NCKAP5: variants seen among roughly 807,000 people sequenced by gnomAD.
The protein encoded by NCKAP5 is nck-associated protein 5.
In NCKAP5, 92 loss-of-function variants were observed where a neutral mutation model predicts 167.0. The observed-to-expected ratio is 0.55, with a 90% CI of 0.47 to 0.66. The LOEUF (loss-of-function observed/expected upper bound fraction) is 0.66. Among genes scored for constraint, NCKAP5 ranks in the 30% least tolerant of loss-of-function variants. The pLI is 0.00. For missense variants in NCKAP5, 2,378 were observed against 2,315.0 expected, an observed-to-expected ratio of 1.03 and a Z score of -0.56; for synonymous variants, 891 against 877.4, an observed-to-expected ratio of 1.02 and a Z score of -0.27.
chr2:133,441,289 A>C (rs2151163993), intron 3 of NCKAP5, among the ~76,000 whole-genome samples: 1 of 152,348 alleles, frequency 6.6e-6, no homozygotes, highest in South Asian at 2.1e-4. Context: ...TTCAGTTTGA[A>C]ACACTGAATA....
At chr2:133,190,016 T>C (rs973126823) in intron 5 of NCKAP5, among the ~76,000 whole-genome samples, 4 of 152,178 alleles carry the variant, frequency 2.6e-5, no homozygotes, top group Admixed American at 2.6e-4. Flanking sequence ...ATTGTATATT[T>C]AGAAAACCCC....
At chr2:133,396,307 G>A (rs537687205) in intron 3 of NCKAP5, among the ~76,000 whole-genome samples, 1 of 151,948 alleles carries the variant, frequency 6.6e-6, no homozygotes, top group South Asian at 2.1e-4. Context: ...AAATTTGCAG[G>A]GACTCCATTT....
intron 11 of NCKAP5, among the ~76,000 whole-genome samples, chr2:132,850,910 C>T (rs1056777838): frequency 2.6e-5 from 4 of 152,110 alleles, no homozygotes; most frequent in Non-Finnish European, 5.9e-5. Flanking sequence ...ACCAGTGAGT[C>T]ACAGTGGCAT....
At chr2:132,708,812 TG>T (rs1688591847) in intron 19 of NCKAP5, among the ~76,000 whole-genome samples, 1 of 152,374 alleles carries the variant, frequency 6.6e-6, no homozygotes, top group African/African-American at 2.4e-5. Context: ...TATATATACA[TG>T]GTGCTAATAT....
chr2:133,609,849 G>C, the NCKAP5 span, among the ~76,000 whole-genome samples: 4 of 152,208 alleles, frequency 2.6e-5, no homozygotes, highest in Non-Finnish European at 4.4e-5. Context: ...GAGAGGGTGT[G>C]TCAAGAGTGA....
intron 3 of NCKAP5, among the ~76,000 whole-genome samples, chr2:133,490,483 A>T (rs1681345151): frequency 6.6e-6 from 1 of 152,210 alleles, no homozygotes; most frequent in Non-Finnish European, 1.5e-5. Context: ...CAAGAGTATC[A>T]CCAAGGTTAT....
At chr2:133,010,376 G>C (rs983376872) in intron 6 of NCKAP5, among the ~76,000 whole-genome samples, 5 of 152,072 alleles carry the variant, frequency 3.3e-5, no homozygotes, top group Non-Finnish European at 7.4e-5. Flanking sequence ...ACCTACTTAA[G>C]GTTCTTCCAA....
chr2:132,895,127 G>C (rs113383818), intron 8 of NCKAP5, among the ~76,000 whole-genome samples: 13,949 of 151,736 alleles, frequency 0.092, 823 homozygotes, highest in East Asian at 0.29. Context: ...GTCAGGAGAT[G>C]GAGACCTTCC....
intron 6 of NCKAP5, among the ~76,000 whole-genome samples, chr2:133,101,828 A>G (rs1404698849): frequency 6.6e-6 from 1 of 152,202 alleles, no homozygotes; most frequent in Non-Finnish European, 1.5e-5. Context: ...GCTAAGTGGG[A>G]AAGGCTGTTA....
chr2:133,377,958 C>G (rs570529051), intron 3 of NCKAP5, among the ~76,000 whole-genome samples: 1 of 152,268 alleles, frequency 6.6e-6, no homozygotes, highest in East Asian at 1.9e-4. Context: ...CCACCCCAAA[C>G]AGTGGCAGTC....
chr2:133,429,689 C>T (rs1482492331), intron 3 of NCKAP5, among the ~76,000 whole-genome samples: 1 of 149,778 alleles, frequency 6.7e-6, no homozygotes, highest in Non-Finnish European at 1.5e-5. Flanking sequence ...TGTTTATGTA[C>T]CACATTTTAT....
At chr2:133,204,030 C>T (rs1010722342) in intron 5 of NCKAP5, among the ~76,000 whole-genome samples, 2 of 152,306 alleles carry the variant, frequency 1.3e-5, no homozygotes, top group Admixed American at 6.5e-5. Flanking sequence ...AATATCTACT[C>T]TCTATCTTTT....
intron 16 of NCKAP5, among the ~76,000 whole-genome samples, chr2:132,746,717 A>G (rs1451748805): frequency 2.0e-5 from 3 of 152,162 alleles, no homozygotes; most frequent in Admixed American, 1.3e-4. Context: ...AAACTATCAA[A>G]TTGTTTATCA....
intron 3 of NCKAP5, among the ~76,000 whole-genome samples, chr2:133,481,701 T>C (rs1680454480): frequency 6.6e-6 from 1 of 152,198 alleles, no homozygotes; most frequent in African/African-American, 2.4e-5. Flanking sequence ...TTTCTGTTCC[T>C]GTGTTAGTTT....
chr2:132,760,349 TTCAC>T (rs1400090226), intron 16 of NCKAP5, among the ~76,000 whole-genome samples: 2 of 152,162 alleles, frequency 1.3e-5, no homozygotes, highest in African/African-American at 4.8e-5. Flanking sequence ...GAAGCATAGT[TTCAC>T]TGAGTATTCA....
intron 4 of NCKAP5, among the ~76,000 whole-genome samples, chr2:133,225,679 T>C (rs543183540): frequency 2.6e-5 from 4 of 151,962 alleles, no homozygotes; most frequent in Admixed American, 2.6e-4. Context: ...AGTGGTGTGA[T>C]CATGGCTCAC....
At chr2:133,073,826 G>A (rs564059578) in intron 6 of NCKAP5, among the ~76,000 whole-genome samples, 12 of 152,194 alleles carry the variant, frequency 7.9e-5, no homozygotes, top group African/African-American at 2.6e-4. Flanking sequence ...AAGCACCCAG[G>A]GCACATAACA....
At chr2:133,156,698 T>C (rs2083590199) in intron 5 of NCKAP5, among the ~76,000 whole-genome samples, 1 of 152,178 alleles carries the variant, frequency 6.6e-6, no homozygotes. Context: ...ACCGGGATAA[T>C]TGGGTATTAG....
At chr2:132,817,437 A>G (rs1354730617) in intron 11 of NCKAP5, among the ~76,000 whole-genome samples, 1 of 106,058 alleles carries the variant, frequency 9.4e-6, no homozygotes, top group Non-Finnish European at 1.7e-5. Context: ...CTAATATGTT[A>G]CAAGAAATAA....
Sources: allele counts gnomAD v4.1 joint callset (sites outside exome capture counted in the v4.1 genomes callset), GRCh38; gene constraint gnomAD v4.1.1; transcripts MANE v1.5; gene names NCBI Gene and HGNC (gene_info 2026-07-23, HGNC 2026-07-21).